Variants in TTLL9 observed in about 807,000 individuals in gnomAD.
TTLL9 encodes probable tubulin polyglutamylase TTLL9.
A neutral mutation model predicts 65.6 loss-of-function variants in TTLL9; 47 were observed. The ratio of observed to expected loss-of-function variants is 0.72; its 90% CI spans 0.57 to 0.91. The LOEUF (loss-of-function observed/expected upper bound fraction) is 0.91, where lower values mean the gene tolerates loss of function less well. TTLL9 is among the 40% of genes least tolerant of loss of function. The probability of loss-of-function intolerance (pLI) is 0.00; values close to 1 mark genes in which losing one functional copy is unlikely to be tolerated. For missense variants in TTLL9, 537 were observed against 568.8 expected, an observed-to-expected ratio of 0.94 and a Z score of 0.57; for synonymous variants, 179 against 204.8, an observed-to-expected ratio of 0.87 and a Z score of 1.07.
chr20:31,941,885 A>C (rs895035263), intron 14 of TTLL9, among the ~76,000 whole-genome samples: 2 of 152,182 alleles, frequency 1.3e-5, no homozygotes, highest in African/African-American at 4.8e-5. Flanking sequence ...TAGGGTAGGA[A>C]GAGTACTGAT....
At chr20:31,873,684 G>GAGAGAGAGAGAA (rs1364633891) in intron 2 of TTLL9, among the ~76,000 whole-genome samples, 106 of 100,584 alleles carry the variant, frequency 1.1e-3, no homozygotes, top group African/African-American at 3.9e-3. Context: ...AAGAGAGAGA[G>GAGAGAGAGAGAA]AGAAAGAAAG....
intron 2 of TTLL9, among the ~76,000 whole-genome samples, chr20:31,873,817 GAAGGAAGAAAGAAAGAAAGAAAGAAAGA>G (rs1422013887): frequency 2.0e-3 from 162 of 82,174 alleles, no homozygotes; most frequent in African/African-American, 6.9e-3. Context: ...AGGAAGGAAG[GAAGGAAGAAAGAAAGAAAGAAAGAAAGA>G]AAGAAAGAAA....
chr20:31,937,886 C>T (rs898947518), intron 13 of TTLL9, among the ~76,000 whole-genome samples: 2 of 151,712 alleles, frequency 1.3e-5, no homozygotes, highest in African/African-American at 2.4e-5. Flanking sequence ...AATTTACTAT[C>T]TAGTGCTTAG....
chr20:31,873,821 G>GAAGGAAGA (rs1568723275), intron 2 of TTLL9, among the ~76,000 whole-genome samples: 217 of 96,016 alleles, frequency 2.3e-3, no homozygotes, highest in Middle Eastern at 0.01. Context: ...AGGAAGGAAG[G>GAAGGAAGA]AAGAAAGAAA....
intron 6 of TTLL9, among the ~76,000 whole-genome samples, chr20:31,916,669 CTTTT>C (rs1228914553): frequency 6.6e-6 from 1 of 152,204 alleles, no homozygotes; most frequent in African/African-American, 2.4e-5. Context: ...TGTGTGCTGG[CTTTT>C]TGTCATCAGA....
Position 31,943,180 on chromosome 20 carries a change from G to A in TTLL9, c.*159G>A, listed in dbSNP as rs923147303. On this transcript the variant is annotated 3_prime_UTR_variant, in exon 15 of 15. Transcript: ENST00000535842. ...AGCTGCAGCTTACTACCTGAATTGG[G>A]CCCCTTGGATACCTCCAGCCCATCC... The A allele has an allele frequency of 3.2e-5, 22 of 692,500 alleles. No individual in the cohort carries two copies. Among genetic ancestry groups the A allele is most frequent in the Middle Eastern group, 7.8e-4 (2 of 2,568 alleles). 42.9% of individuals were successfully genotyped at this position (692,500 alleles called of 1,614,324 possible).
intron 12 of TTLL9, among the ~76,000 whole-genome samples, chr20:31,935,146 C>G (rs754923822): frequency 6.6e-6 from 1 of 152,094 alleles, no homozygotes; most frequent in Non-Finnish European, 1.5e-5. Flanking sequence ...CACTGGGAGG[C>G]CCTTCCTGAT....
At position 31,943,714 on chromosome 20, in the gene TTLL9, C is replaced by G. The variant is rs1256314757; in HGVS notation, c.*693C>G. ...GGGAGGCAGAGCTTAGTGAGGGTCT[C>G]TGCAAAGGTGCATTTATCTAAGTCA... On this transcript the variant is annotated 3_prime_UTR_variant, in exon 15 of 15. Transcript: ENST00000535842. 1 of 456,586 alleles carries G rather than the reference C, an allele frequency of 2.2e-6. No individual in the cohort carries two copies. The highest frequency in any genetic ancestry group is 6.9e-5 in the East Asian group (1 of 14,392). The allele number at this position is 456,586 out of a possible 1,614,324, so 28.3% of individuals were successfully genotyped here.
chr20:31,879,798 G>A lies in TTLL9; in HGVS notation c.70-7398G>A, dbSNP rs140644948. The A allele has an allele frequency of 1.2e-3, 1,832 of 1,545,544 alleles. 17 individuals carry two copies. In the African/African-American group the frequency reaches 0.022, roughly 19 times the overall value. ...TCCAATCAGAGCGGCGGATCCAGGC[G>A]CCTGTCTGTCGCCTTGGCAACGGGA... On this transcript the variant is annotated intron_variant, in intron 2 of 14. Coordinates refer to ENST00000535842, the MANE Select transcript of TTLL9 (RefSeq NM_001008409.5).
rs2123665279 is a variant in TTLL9, at chr20:31,943,166, A to G, written c.*145A>G. The G allele has an allele frequency of 2.6e-6, 2 of 758,348 alleles. No homozygotes were observed. Among genetic ancestry groups the G allele is most frequent in the Non-Finnish European group, 4.5e-6 (2 of 446,044 alleles). 47.0% of individuals were successfully genotyped at this position (758,348 alleles called of 1,614,324 possible). On this transcript the variant is annotated 3_prime_UTR_variant, in exon 15 of 15. Transcript: ENST00000535842. ...TTTGCTGGCTTAGCAGCTGCAGCTT[A>G]CTACCTGAATTGGGCCCCTTGGATA...
intron 8 of TTLL9, among the ~76,000 whole-genome samples, chr20:31,923,774 C>T (rs1474733052): frequency 6.6e-6 from 1 of 152,122 alleles, no homozygotes; most frequent in African/African-American, 2.4e-5. Context: ...CCTCCCACGT[C>T]CTCTGGCAAT....
At chr20:31,904,735 T>A (rs2063527027) in intron 4 of TTLL9, among the ~76,000 whole-genome samples, 1 of 152,174 alleles carries the variant, frequency 6.6e-6, no homozygotes, top group Non-Finnish European at 1.5e-5. Context: ...TCCTTCTACA[T>A]GTATTAGGTG....
chr20:31,918,905 G>A (rs1344505102), intron 6 of TTLL9, among the ~76,000 whole-genome samples: 1 of 152,238 alleles, frequency 6.6e-6, no homozygotes, highest in Non-Finnish European at 1.5e-5. Context: ...CAGCATGGCA[G>A]GCAGAGCAGG....
intron 12 of TTLL9, among the ~76,000 whole-genome samples, chr20:31,936,357 C>G (rs1345668761): frequency 6.6e-6 from 1 of 152,162 alleles, no homozygotes; most frequent in Admixed American, 6.5e-5. Flanking sequence ...ATAATACCAA[C>G]TACTCAGGAG....
intron 14 of TTLL9, among the ~76,000 whole-genome samples, chr20:31,942,000 C>T (rs1483757424): frequency 6.6e-6 from 1 of 152,070 alleles, no homozygotes; most frequent in Non-Finnish European, 1.5e-5. Flanking sequence ...CAAGAAGACT[C>T]GAGAGTTAGG....
intron 3 of TTLL9, among the ~76,000 whole-genome samples, chr20:31,891,842 A>T (rs1015102914): frequency 6.6e-6 from 1 of 152,190 alleles, no homozygotes; most frequent in South Asian, 2.1e-4. Flanking sequence ...TCACTCTGTC[A>T]CCCAGGCTGG....
chr20:31,912,386 A>G (rs770273402), intron 6 of TTLL9, among the ~76,000 whole-genome samples: 13 of 152,096 alleles, frequency 8.5e-5, no homozygotes, highest in Non-Finnish European at 1.9e-4. Flanking sequence ...CTGTGCATAC[A>G]CTTTGAGTAT....
intron 6 of TTLL9, among the ~76,000 whole-genome samples, chr20:31,918,295 A>T (rs950296455): frequency 7.9e-5 from 12 of 152,070 alleles, no homozygotes; most frequent in African/African-American, 2.7e-4. Context: ...AGATGACGAG[A>T]TGACGGTGCT....
intron 2 of TTLL9, among the ~76,000 whole-genome samples, chr20:31,880,496 CTTT>C (rs781656694): frequency 7.0e-6 from 1 of 142,970 alleles, no homozygotes. Flanking sequence ...CCCCAACCGA[CTTT>C]TTTTTTTTTT....
Sources: gnomAD v4.1 joint callset for allele counts (sites outside exome capture counted in the v4.1 genomes callset) on GRCh38, gnomAD v4.1.1 for gene constraint, MANE v1.5 for transcripts, NCBI Gene and HGNC (gene_info 2026-07-23, HGNC 2026-07-21) for gene names.